TMCC1: variants seen among roughly 807,000 people sequenced by gnomAD.
TMCC1 encodes the protein transmembrane and coiled-coil domains protein 1.
TMCC1 carries 15 observed loss-of-function variants against 52.4 expected under a neutral mutation model. That is an observed-to-expected ratio of 0.29 (90% confidence interval 0.19 to 0.44). The LOEUF (loss-of-function observed/expected upper bound fraction) is 0.44, where lower values mean the gene tolerates loss of function less well. Among genes scored for constraint, TMCC1 ranks in the 20% least tolerant of loss-of-function variants. The probability of loss-of-function intolerance (pLI) is 1.00; values close to 1 mark genes in which losing one functional copy is unlikely to be tolerated. For synonymous variants in TMCC1, 279 were observed against 301.9 expected (o/e 0.92, Z 0.79); for missense variants, 503 against 806.0 (o/e 0.62, Z 4.55).
At chr3:129,792,422 A>G (rs1483023243) in intron 4 of TMCC1, among the ~76,000 whole-genome samples, 1 of 151,906 alleles carries the variant, frequency 6.6e-6, no homozygotes, top group Non-Finnish European at 1.5e-5. Flanking sequence ...ATCTCAGCTC[A>G]CTGCAGCCTC....
In TMCC1 at chr3:129,707,484, C is replaced by T. The variant is rs80064070; in HGVS notation, c.577-36220G>A. Reference sequence around the variant, plus strand: ...ATGTGGAAGACCTCTGTTTTCAAGCCATTATTTAGAAAATCAACATGGAAT... The same window carrying T: ...ATGTGGAAGACCTCTGTTTTCAAGCTATTATTTAGAAAATCAACATGGAAT... On this transcript the variant is annotated intron_variant, in intron 4 of 6. Transcript: ENST00000393238. Among the ~76,000 whole-genome samples, 629 of 152,232 alleles carry T rather than the reference C, an allele frequency of 4.1e-3. 7 individuals are homozygous for T. Among genetic ancestry groups the T allele is most frequent in the African/African-American group, 0.015 (604 of 41,546 alleles).
rs1409102550 is a variant in TMCC1, at chr3:129,670,984, T to C, written c.857A>G (p.Gln286Arg). ...RIKQVFEKKNQKSAQTILQLQ... is the reference protein window; with the variant it reads ...RIKQVFEKKNRKSAQTILQLQ... ...CTGGAGGATAGTTTGGGCAGATTTC[T>C]GGTTCTTCTTCTCAAAGACTTGCTT... The change falls in exon 5 of 7, where the codon CAG becomes CGG. Residue 286 changes from glutamine (Q) to arginine (R), a missense_variant. Physicochemically the swap from Gln to Arg is conservative, Grantham distance 43. Transcript: ENST00000393238. The C allele has an allele frequency of 6.2e-7, 1 of 1,614,270 alleles. No individual in the cohort carries two copies. The highest frequency in any genetic ancestry group is 8.5e-7 in the Non-Finnish European group (1 of 1,180,046).
At chr3:129,672,015 TCGGAG>T (rs2087987306) in intron 4 of TMCC1, among the ~76,000 whole-genome samples, 4 of 152,202 alleles carry the variant, frequency 2.6e-5, no homozygotes, top group Admixed American at 6.5e-5. Context: ...ATCAGGTCTT[TCGGAG>T]CCCATATTTT....
intron 4 of TMCC1, among the ~76,000 whole-genome samples, chr3:129,711,826 T>TAA (rs66986935): frequency 0.1 from 11,957 of 118,552 alleles, 773 homozygotes; most frequent in East Asian, 0.17. Flanking sequence ...CCGTCTCTAC[T>TAA]AAAAAAAAAA....
chr3:129,769,641 G>A (rs981609878), intron 4 of TMCC1, among the ~76,000 whole-genome samples: 1 of 151,290 alleles, frequency 6.6e-6, no homozygotes, highest in African/African-American at 2.4e-5. Context: ...ATGTGGTGTA[G>A]GGAAGTCAAA....
intron 4 of TMCC1, among the ~76,000 whole-genome samples, chr3:129,788,852 CT>C (rs1181983493): frequency 6.6e-6 from 1 of 152,020 alleles, no homozygotes; most frequent in Non-Finnish European, 1.5e-5. Context: ...GTTTGATCTC[CT>C]ATAATGTTGG....
intron 4 of TMCC1, among the ~76,000 whole-genome samples, chr3:129,759,015 A>AAT (rs1322691861): frequency 6.6e-6 from 1 of 152,196 alleles, no homozygotes; most frequent in Non-Finnish European, 1.5e-5. Flanking sequence ...AAGGCTGAGT[A>AAT]ATAGTCCATT....
intron 4 of TMCC1, among the ~76,000 whole-genome samples, chr3:129,684,818 A>G (rs1218441912): frequency 1.3e-5 from 2 of 152,258 alleles, no homozygotes; most frequent in African/African-American, 4.8e-5. Flanking sequence ...AGGAGCAGAT[A>G]GATGGGGAAA....
rs1333471433 is a variant in TMCC1, at chr3:129,671,242, C to A, written c.599G>T (p.Ser200Ile). Reference protein sequence around the residue: ...AERIERLEVSSLAQTSSAVAS... With the variant: ...AERIERLEVSILAQTSSAVAS... ...CACTGCACTGGATGTTTGGGCAAGG[C>A]TGCTTACTTCCAACCGTTCGATCTA... The change falls in exon 5 of 7, where the codon AGC (serine) becomes ATC (isoleucine). Residue 200 changes from serine (S) to isoleucine (I), a missense_variant. Ser to Ile is a moderately radical substitution (Grantham distance 142). Around this residue, in one of 7 missense-constraint regions of TMCC1, gnomAD observed 217 missense variants for 297.9 expected, o/e 0.73. Transcript: ENST00000393238. 1.9e-6 allele frequency: 3 copies of A among 1,612,004 alleles called. No individual in the cohort carries two copies. The highest frequency in any genetic ancestry group is 2.5e-6 in the Non-Finnish European group (3 of 1,178,570).
intron 4 of TMCC1, among the ~76,000 whole-genome samples, chr3:129,744,634 T>TCA (rs1025553584): frequency 6.6e-6 from 1 of 152,156 alleles, no homozygotes; most frequent in Non-Finnish European, 1.5e-5. Context: ...CACACATATA[T>TCA]CACCTTCCTT....
At chr3:129,812,520 A>G (rs1168561117) in intron 4 of TMCC1, among the ~76,000 whole-genome samples, 1 of 152,052 alleles carries the variant, frequency 6.6e-6, no homozygotes, top group Admixed American at 6.6e-5. Flanking sequence ...CCCCTGTTCA[A>G]GATATTTTAT....
intron 4 of TMCC1, among the ~76,000 whole-genome samples, chr3:129,704,306 TTC>T (rs2048053075): frequency 6.6e-6 from 1 of 152,236 alleles, no homozygotes; most frequent in Non-Finnish European, 1.5e-5. Context: ...CCAGAGACAG[TTC>T]TATAACCTGG....
intron 1 of TMCC1, among the ~76,000 whole-genome samples, chr3:129,883,028 C>T (rs573591950): frequency 3.9e-5 from 6 of 152,138 alleles, no homozygotes; most frequent in Admixed American, 1.3e-4. Flanking sequence ...GTGGTTTATG[C>T]CTGTAATCCC....
At chr3:129,873,755 TC>T (rs1269072466) in intron 2 of TMCC1, among the ~76,000 whole-genome samples, 35 of 152,290 alleles carry the variant, frequency 2.3e-4, no homozygotes, top group Non-Finnish European at 4.4e-4. Context: ...ATACGGTTAA[TC>T]CCTGGTCCAA....
intron 4 of TMCC1, among the ~76,000 whole-genome samples, chr3:129,796,389 C>T (rs1426026488): frequency 5.3e-5 from 8 of 152,142 alleles, no homozygotes; most frequent in Admixed American, 2.6e-4. Flanking sequence ...TTAAATGACA[C>T]GTGACTGTAT....
intron 5 of TMCC1, among the ~76,000 whole-genome samples, chr3:129,657,057 C>T (rs184204347): frequency 3.9e-5 from 6 of 152,052 alleles, no homozygotes; most frequent in East Asian, 1.9e-4. Flanking sequence ...TTTTTAAAGC[C>T]GCATTCCAAA....
chr3:129,716,250 C>T (rs2049085496), intron 4 of TMCC1, among the ~76,000 whole-genome samples: 1 of 147,464 alleles, frequency 6.8e-6, no homozygotes. Flanking sequence ...GTAACCTCTG[C>T]CTCCCGGGTT....
At chr3:129,792,356 A>T (rs565299683) in intron 4 of TMCC1, among the ~76,000 whole-genome samples, 160 of 150,838 alleles carry the variant, frequency 1.1e-3, no homozygotes, top group African/African-American at 3.4e-3. Flanking sequence ...TTGCTGATAT[A>T]TTTTTTTTTA....
chr3:129,679,599 T>C (rs2088794788), intron 4 of TMCC1, among the ~76,000 whole-genome samples: 1 of 152,214 alleles, frequency 6.6e-6, no homozygotes, highest in Non-Finnish European at 1.5e-5. Flanking sequence ...CCATCACGCC[T>C]GGCCTGCCTT....
Sources: gnomAD v4.1 joint callset for allele counts (sites outside exome capture counted in the v4.1 genomes callset) on GRCh38, gnomAD v4.1.1 for gene constraint, gnomAD v4.1.1 regional missense constraint, MANE v1.5 for transcripts, NCBI Gene and HGNC (gene_info 2026-07-23, HGNC 2026-07-21) for gene names.